Variants in CYFIP2 observed in about 807,000 individuals in gnomAD.
CYFIP2 encodes cytoplasmic FMR1 interacting protein 2.
In CYFIP2, 29 loss-of-function variants were observed where a neutral mutation model predicts 158.7. The observed-to-expected ratio is 0.18, with a 90% CI of 0.14 to 0.25. The LOEUF (loss-of-function observed/expected upper bound fraction) is 0.25. Ranked by LOEUF, CYFIP2 falls within the 10% of genes least tolerant of loss-of-function variation. The pLI is 1.00. For missense variants in CYFIP2, 852 were observed against 1,639.5 expected (o/e 0.52, Z 8.29); for synonymous variants, 585 against 617.6 (o/e 0.95, Z 0.78).
intron 28 of CYFIP2, among the ~76,000 whole-genome samples, chr5:157,387,973 C>CA (rs1561792090): frequency 6.6e-6 from 1 of 152,194 alleles, no homozygotes. Context: ...ACTTAAAAGT[C>CA]ACCCTCTCTT....
In CYFIP2 at chr5:157,389,387, G is replaced by A. The variant is rs1345675109; in HGVS notation, c.3406G>A (p.Val1136Met). The A allele has an allele frequency of 3.7e-6, 6 of 1,610,778 alleles. No homozygotes were observed. The highest frequency in any genetic ancestry group is 4.2e-6 in the Non-Finnish European group (5 of 1,177,764). ...FHRLWSAMQF[V>M]YCIPVGTNEF... ...CCGGCTGTGGAGCGCCATGCAGTTC[G>A]TGTACTGCATCCCTGTGGGAACCAA... Residue 1136 changes from valine (V) to methionine (M), a missense_variant, in exon 29 of 31, where the codon GTG becomes ATG. By Grantham distance (21) the Val-to-Met change is conservative. Coordinates refer to ENST00000620254, the MANE Select transcript of CYFIP2 (RefSeq NM_001037333.3).
intron 23 of CYFIP2, among the ~76,000 whole-genome samples, chr5:157,357,222 C>T (rs10475990): frequency 5.7e-4 from 87 of 152,262 alleles, no homozygotes; most frequent in African/African-American, 1.9e-3. Context: ...TAATTGTGTT[C>T]GTCACGGATC....
At chr5:157,274,079 G>A (rs1450406833) in intron 1 of CYFIP2, among the ~76,000 whole-genome samples, 2 of 147,938 alleles carry the variant, frequency 1.4e-5, no homozygotes, top group African/African-American at 5.0e-5. Flanking sequence ...TGCAGTGAGT[G>A]AGATCATGCC....
At chr5:157,304,547 C>T (rs1380386236) in intron 8 of CYFIP2, 181 bp downstream of exon 8, 6 of 604,278 alleles carry the variant, frequency 9.9e-6, no homozygotes, top group Admixed American at 6.9e-5. Context: ...AGTCACCTTT[C>T]CAGATGTCAT....
chr5:157,385,068 T>G (rs1309445622), intron 28 of CYFIP2: 1 of 151,766 alleles, frequency 6.6e-6, no homozygotes, highest in Non-Finnish European at 1.5e-5. Flanking sequence ...ACAGAGGAGA[T>G]CCTCTCCAGT....
At chr5:157,342,994 C>T in intron 23 of CYFIP2, 1 of 1,614,230 alleles carries the variant, frequency 6.2e-7, no homozygotes, top group Admixed American at 1.7e-5. Flanking sequence ...GTGGCATTTC[C>T]ACCAGGGGGA....
intron 1 of CYFIP2, among the ~76,000 whole-genome samples, chr5:157,268,277 G>GA (rs1755782112): frequency 6.6e-6 from 1 of 152,194 alleles, no homozygotes; most frequent in Non-Finnish European, 1.5e-5. Flanking sequence ...GCTGGAAAAT[G>GA]AAAAAGGAAA....
chr5:157,337,466 A>G (rs1761939417), intron 21 of CYFIP2, among the ~76,000 whole-genome samples: 1 of 151,764 alleles, frequency 6.6e-6, no homozygotes, highest in Non-Finnish European at 1.5e-5. Context: ...CTTTCTCTTC[A>G]CCCCAGTTGA....
At chr5:157,267,631 T>G (rs1391015661) in intron 1 of CYFIP2, among the ~76,000 whole-genome samples, 2 of 152,260 alleles carry the variant, frequency 1.3e-5, no homozygotes, top group Non-Finnish European at 2.9e-5. Context: ...TGTGTTTATC[T>G]TGAAGAGCTA....
rs141829489 is a variant in CYFIP2 at position 157,302,271 on chromosome 5, C to T, written c.570-523C>T. 9.3e-3 allele frequency among the ~76,000 whole-genome samples: 1,419 copies of T among 152,270 alleles called. 19 individuals are homozygous for T. The highest frequency in any genetic ancestry group is 0.032 in the African/African-American group (1,328 of 41,546). On this transcript the variant is annotated intron_variant, in intron 6 of 30. Coordinates refer to ENST00000620254, the MANE Select transcript of CYFIP2 (RefSeq NM_001037333.3). ...CTCCCATCAAGTCCTGCTTGTGTTC[C>T]CTGTGCCCGTCATCCCATCACCTGC...
In CYFIP2 at chr5:157,378,209, A is replaced by G. The variant is rs192090948; in HGVS notation, c.3040-4381A>G. On this transcript the variant is annotated intron_variant, in intron 26 of 30. Transcript: ENST00000620254. ...TCAACAGATTTATAAAAATTAGTCCATCTGCAAAGAAATTATTTAAACCAA... is the reference window on the plus strand; with the variant it reads ...TCAACAGATTTATAAAAATTAGTCCGTCTGCAAAGAAATTATTTAAACCAA... Among the ~76,000 whole-genome samples the G allele has an allele frequency of 1.0e-3, 155 of 152,356 alleles. 1 individual carries two copies. The highest frequency in any genetic ancestry group is 3.5e-3 in the African/African-American group (147 of 41,590).
intron 13 of CYFIP2, among the ~76,000 whole-genome samples, chr5:157,318,652 G>T (rs1233717672): frequency 6.6e-6 from 1 of 152,164 alleles, no homozygotes; most frequent in African/African-American, 2.4e-5. Flanking sequence ...TCATTTATTT[G>T]TTCCTTTTCA....
chr5:157,304,497 G>T (rs1759052054), intron 8 of CYFIP2, 131 bp downstream of exon 8: 2 of 1,079,212 alleles, frequency 1.9e-6, no homozygotes, highest in Admixed American at 5.3e-5. Flanking sequence ...GGCACATAAT[G>T]GTTTGTAACC....
intron 23 of CYFIP2, chr5:157,343,225 G>C: frequency 6.2e-7 from 1 of 1,614,240 alleles, no homozygotes; most frequent in South Asian, 1.1e-5. Flanking sequence ...CTACCAGGGA[G>C]CTTCCAGGAG....
At chr5:157,338,350 G>A (rs1467267294) in intron 21 of CYFIP2, among the ~76,000 whole-genome samples, 1 of 152,208 alleles carries the variant, frequency 6.6e-6, no homozygotes, top group Non-Finnish European at 1.5e-5. Flanking sequence ...GATACCTCAA[G>A]GGGCCTACAC....
In CYFIP2 at chr5:157,288,326, G is replaced by C. The variant is rs1038021430; in HGVS notation, c.207+1218G>C. Among the ~76,000 whole-genome samples the C allele has an allele frequency of 1.4e-4, 22 of 152,302 alleles. No homozygotes were observed. In the East Asian group the frequency reaches 4.2e-3, roughly 29 times the overall value. ...TAGAGCCCTCATGACCTGATCACCT[G>C]TTAAAGATCCCACCTCTCAACACTG... On this transcript the variant is annotated intron_variant, in intron 3 of 30. Coordinates refer to ENST00000620254, the MANE Select transcript of CYFIP2 (RefSeq NM_001037333.3).
intron 1 of CYFIP2, among the ~76,000 whole-genome samples, chr5:157,274,309 G>A (rs963136342): frequency 2.0e-5 from 3 of 152,000 alleles, no homozygotes; most frequent in African/African-American, 7.3e-5. Context: ...TGCCTATTCT[G>A]GGCATGTTTA....
intron 20 of CYFIP2, among the ~76,000 whole-genome samples, chr5:157,331,716 A>G (rs570197643): frequency 6.6e-6 from 1 of 152,322 alleles, no homozygotes; most frequent in East Asian, 1.9e-4. Context: ...GCTATCGGTT[A>G]CAATGCAGCC....
At chr5:157,384,202 A>T (rs1292972773) in intron 28 of CYFIP2, 3 of 441,788 alleles carry the variant, frequency 6.8e-6, no homozygotes. Flanking sequence ...TGAGTAAGAC[A>T]GGACCCCTGC....
Sources: gnomAD v4.1 joint callset for allele counts (sites outside exome capture counted in the v4.1 genomes callset) on GRCh38, gnomAD v4.1.1 for gene constraint, MANE v1.5 for transcripts, NCBI Gene and HGNC (gene_info 2026-07-23, HGNC 2026-07-21) for gene names.